NCOR2: variants seen among roughly 807,000 people sequenced by gnomAD.
The protein encoded by NCOR2 is CTG repeat protein 26.
Under a neutral mutation model 262.9 loss-of-function variants are expected in NCOR2, and 81 were observed. The ratio of observed to expected loss-of-function variants is 0.31; its 90% CI spans 0.26 to 0.37. The LOEUF (loss-of-function observed/expected upper bound fraction) is 0.37. Ranked by LOEUF, NCOR2 falls within the 10% of genes least tolerant of loss-of-function variation. The pLI is 1.00. For synonymous variants in NCOR2, 1,659 were observed against 1,559.3 expected (o/e 1.06, Z -1.51); for missense variants, 3,385 against 3,621.4 (o/e 0.93, Z 1.68).
chr12:124,358,581 A>G (rs1227872491), intron 22 of NCOR2, among the ~76,000 whole-genome samples: 1 of 152,212 alleles, frequency 6.6e-6, no homozygotes, highest in Non-Finnish European at 1.5e-5. Context: ...AAGCTCACAC[A>G]GAGACTGCTG....
chr12:124,480,965 G>C (rs922929063), intron 3 of NCOR2, among the ~76,000 whole-genome samples: 1 of 151,844 alleles, frequency 6.6e-6, no homozygotes, highest in African/African-American at 2.4e-5. Flanking sequence ...GGGAGGGGCA[G>C]GTAATGAAGG....
At chr12:124,420,420 G>A (rs989394912) in intron 12 of NCOR2, among the ~76,000 whole-genome samples, 1 of 152,184 alleles carries the variant, frequency 6.6e-6, no homozygotes, top group Non-Finnish European at 1.5e-5. Flanking sequence ...GGGAAACAAG[G>A]ACTCCAGCCC....
chr12:124,435,389 G>A (rs1238448694), intron 8 of NCOR2, among the ~76,000 whole-genome samples: 2 of 152,222 alleles, frequency 1.3e-5, no homozygotes, highest in Non-Finnish European at 2.9e-5. Context: ...ATCCAGTCAA[G>A]GTGGGGGATC....
intron 7 of NCOR2, among the ~76,000 whole-genome samples, chr12:124,439,358 C>CCCAG (rs2044669584): frequency 1.1e-5 from 1 of 94,512 alleles, no homozygotes. Context: ...GAGAGGGAGA[C>CCCAG]AGAGACCCGG....
intron 23 of NCOR2, among the ~76,000 whole-genome samples, chr12:124,356,000 C>T (rs560775534): frequency 6.6e-6 from 1 of 152,224 alleles, no homozygotes; most frequent in African/African-American, 2.4e-5. Flanking sequence ...CCTTCAGGCT[C>T]GCCTGACCTG....
chr12:124,471,660 C>T (rs906981470), intron 4 of NCOR2, among the ~76,000 whole-genome samples: 1 of 152,240 alleles, frequency 6.6e-6, no homozygotes, highest in South Asian at 2.1e-4. Context: ...CCTAAACCTC[C>T]TGGGCTCAGG....
chr12:124,339,039 C>T (rs947757630), intron 37 of NCOR2, among the ~76,000 whole-genome samples: 3 of 142,272 alleles, frequency 2.1e-5, no homozygotes, highest in African/African-American at 7.8e-5. Context: ...CACCTACCTA[C>T]CTAACTCAGC....
At chr12:124,519,316 G>A (rs542407948) in intron 1 of NCOR2, among the ~76,000 whole-genome samples, 1 of 152,256 alleles carries the variant, frequency 6.6e-6, no homozygotes, top group East Asian at 1.9e-4. Context: ...GAAGCTGCTG[G>A]AGCTCCCAGG....
Position 124,457,127 on chromosome 12 carries a change from G to A in NCOR2, c.741C>T (p.Gly247=). ...TCACCAGCTCCACCTGGGGCCCCAG[G>A]CCTTCCAGAATCCGATGTGCAGCTT... is the stretch of plus-strand genomic sequence containing the variant. The change falls in exon 6 of 47, where the codon GGC becomes GGT. Residue 247 remains glycine, a synonymous_variant. Coordinates refer to ENST00000405201, the Ensembl canonical transcript of NCOR2. The surrounding 1 kb of genome is among the most constrained non-coding windows in gnomAD (Gnocchi z 4.0). 6.6e-7 allele frequency: 1 copy of A among 1,523,128 alleles called. No homozygotes were observed. Among genetic ancestry groups the A allele is most frequent in the Non-Finnish European group, 8.7e-7 (1 of 1,146,156 alleles). 94.4% of individuals were successfully genotyped at this position (1,523,128 alleles called of 1,614,324 possible).
rs372211942 is a variant in NCOR2 at position 124,434,098 on chromosome 12, G to C, written c.883-3311C>G. Among the ~76,000 whole-genome samples the C allele has an allele frequency of 6.6e-4, 101 of 152,256 alleles. 1 individual carries two copies. The highest frequency in any genetic ancestry group is 1.9e-3 in the African/African-American group (80 of 41,542). ...CCAGCTCAGCTTCCCAGGAGATGTG[G>C]CAGGCTTGGGGGGCTGTGCTGGTGC... On this transcript the variant is annotated intron_variant, in intron 8 of 46. Transcript: ENST00000405201.
intron 1 of NCOR2, among the ~76,000 whole-genome samples, chr12:124,487,598 C>T (rs1044570840): frequency 1.3e-5 from 2 of 152,228 alleles, no homozygotes; most frequent in African/African-American, 4.8e-5. Flanking sequence ...AGTAATTTTC[C>T]ATCCACCGAC....
intron 6 of NCOR2, among the ~76,000 whole-genome samples, chr12:124,456,174 C>T (rs1023171899): frequency 3.3e-5 from 5 of 152,236 alleles, no homozygotes; most frequent in African/African-American, 4.8e-5. Flanking sequence ...CTACACATGG[C>T]GAAGGCATAA....
In NCOR2 at chr12:124,549,159, G is replaced by A. The variant is rs373165540; in HGVS notation, c.-164-13548C>T. 1.3e-5 allele frequency among the ~76,000 whole-genome samples: 2 copies of A among 152,120 alleles called. No homozygotes were observed. The highest frequency in any genetic ancestry group is 4.8e-5 in the African/African-American group (2 of 41,420). On this transcript the variant is annotated intron_variant, in intron 1 of 32. Coordinates refer to the NCOR2 transcript ENST00000458234. This position sits in a 1 kb window ranked among gnomAD's most constrained non-coding sequence, Gnocchi z 4.4. ...AGGGAGCTAACCTCTCTGAGCCTTC[G>A]CTGCTTGCCTGGCAATGATGATGGT...
At chr12:124,478,179 C>T (rs2047212238) in intron 3 of NCOR2, among the ~76,000 whole-genome samples, 1 of 152,200 alleles carries the variant, frequency 6.6e-6, no homozygotes, top group Non-Finnish European at 1.5e-5. Context: ...CACACCAAGA[C>T]CCTGTGAAAG....
chr12:124,406,149 C>T (rs995932377), intron 13 of NCOR2, among the ~76,000 whole-genome samples: 5 of 152,244 alleles, frequency 3.3e-5, no homozygotes, highest in African/African-American at 1.2e-4. Flanking sequence ...TATGCCGTCT[C>T]TGTCAACCCC....
chr12:124,413,400 G>A (rs2042695181), intron 13 of NCOR2, among the ~76,000 whole-genome samples: 1 of 152,196 alleles, frequency 6.6e-6, no homozygotes, highest in South Asian at 2.1e-4. Flanking sequence ...GACAACCCTG[G>A]CATACAGTAG....
rs929401871 is a variant in NCOR2 at position 124,549,064 on chromosome 12, T to C, written c.-164-13453A>G. On this transcript the variant is annotated intron_variant, in intron 1 of 32. Transcript: ENST00000458234. The surrounding 1 kb of genome is among the most constrained non-coding windows in gnomAD (Gnocchi z 4.4). ...AAGGAGGAATTTCATTGCCCAGGAG[T>C]AGAGGGGATTTCCCAAGTCTATGGG... Among the ~76,000 whole-genome samples the C allele has an allele frequency of 2.0e-5, 3 of 149,798 alleles. No homozygotes were observed. The highest frequency in any genetic ancestry group is 4.5e-5 in the Non-Finnish European group (3 of 67,406).
intron 8 of NCOR2, among the ~76,000 whole-genome samples, chr12:124,433,904 A>ACACACACACACACC: frequency 1.1e-5 from 1 of 93,924 alleles, no homozygotes; most frequent in African/African-American, 4.3e-5. Flanking sequence ...ACACACGCAC[A>ACACACACACACACC]CACACACACA....
In NCOR2 at chr12:124,503,483, A is replaced by ATTGATGGAT. The variant is rs1555233102; in HGVS notation, c.-117-8116_-117-8115insATCCATCAA. On this transcript the variant is annotated intron_variant, in intron 1 of 46. Coordinates refer to the NCOR2 transcript ENST00000404621. This position sits in a 1 kb window ranked among gnomAD's most constrained non-coding sequence, Gnocchi z 4.3. ...CATGGACTGATGGATGGATGGATGG[A>ATTGATGGAT]TGATGGATTGATGGATGGATGGATG... 7.3e-5 allele frequency among the ~76,000 whole-genome samples: 11 copies of ATTGATGGAT among 151,424 alleles called. No individual in the cohort carries two copies. The highest frequency in any genetic ancestry group is 2.7e-4 in the African/African-American group (11 of 41,084).
Sources: gnomAD v4.1 joint callset for allele counts (sites outside exome capture counted in the v4.1 genomes callset) on GRCh38, gnomAD v4.1.1 for gene constraint, Gnocchi (gnomAD v3.1) non-coding constraint, MANE v1.5 for transcripts, NCBI Gene and HGNC (gene_info 2026-07-23, HGNC 2026-07-21) for gene names.